The following KAZN variants were observed in gnomAD, a reference collection of about 807,000 sequenced individuals.
The protein encoded by KAZN is kazrin, periplakin interacting protein, also known as kazrin.
KAZN carries 40 observed loss-of-function variants against 87.4 expected under a neutral mutation model. That is an observed-to-expected ratio of 0.46 (90% CI 0.36 to 0.60). The LOEUF (loss-of-function observed/expected upper bound fraction) is 0.60, where lower values mean the gene tolerates loss of function less well. Among genes scored for constraint, KAZN ranks in the 20% least tolerant of loss-of-function variants. The probability of loss-of-function intolerance (pLI) is 0.00; values close to 1 mark genes in which losing one functional copy is unlikely to be tolerated. For synonymous variants in KAZN, 466 were observed against 458.3 expected, an observed-to-expected ratio of 1.02 and a Z score of -0.22; for missense variants, 898 against 1,073.9, an observed-to-expected ratio of 0.84 and a Z score of 2.29.
intron 2 of KAZN, among the ~76,000 whole-genome samples, chr1:14,286,548 CACTT>C (rs773490419): frequency 1.3e-5 from 2 of 152,226 alleles, no homozygotes; most frequent in African/African-American, 2.4e-5. Flanking sequence ...AGTACAGTCA[CACTT>C]AATAAATATT....
intron 1 of KAZN, among the ~76,000 whole-genome samples, chr1:14,913,260 A>G (rs537657699): frequency 1.9e-4 from 29 of 152,202 alleles, no homozygotes; most frequent in Non-Finnish European, 3.4e-4. Flanking sequence ...GTACCCCTCC[A>G]CTGGGCCCCT....
chr1:14,803,260 G>A (rs1374493171), intron 1 of KAZN, among the ~76,000 whole-genome samples: 2 of 152,202 alleles, frequency 1.3e-5, no homozygotes. Context: ...GTCATCCTCA[G>A]GTACCCAGGT....
chr1:15,028,728 T>G (rs1671408793), intron 2 of KAZN, among the ~76,000 whole-genome samples: 1 of 152,166 alleles, frequency 6.6e-6, no homozygotes, highest in Non-Finnish European at 1.5e-5. Flanking sequence ...AGATTCAGTT[T>G]TTGTGTTGTC....
intron 2 of KAZN, among the ~76,000 whole-genome samples, chr1:14,554,073 C>A (rs991389930): frequency 2.6e-5 from 4 of 152,162 alleles, no homozygotes; most frequent in African/African-American, 9.7e-5. Flanking sequence ...AGTCCCAGCA[C>A]TGGCCCTCCC....
intron 4 of KAZN, among the ~76,000 whole-genome samples, chr1:15,047,820 G>A (rs931482455): frequency 2.6e-5 from 4 of 152,088 alleles, no homozygotes; most frequent in African/African-American, 9.7e-5. Context: ...CAGGCCCGGG[G>A]GGATGGTGCA....
At chr1:14,080,953 A>G (rs545840766) in intron 1 of KAZN, among the ~76,000 whole-genome samples, 79 of 152,340 alleles carry the variant, frequency 5.2e-4, no homozygotes, top group African/African-American at 1.9e-3. Context: ...TCACCCTGGG[A>G]AAAGCTAATG....
At chr1:14,663,000 T>G (rs1408107703) in intron 1 of KAZN, among the ~76,000 whole-genome samples, 1 of 149,156 alleles carries the variant, frequency 6.7e-6, no homozygotes, top group Non-Finnish European at 1.5e-5. Context: ...AGGGGGGATC[T>G]CACTGTGTTG....
intron 2 of KAZN, among the ~76,000 whole-genome samples, chr1:14,346,744 T>C (rs1658136611): frequency 6.6e-6 from 1 of 152,160 alleles, no homozygotes; most frequent in Admixed American, 6.5e-5. Context: ...CCCTATTAGA[T>C]ATAATCATGC....
At chr1:15,083,765 A>G (rs1310680662) in intron 8 of KAZN, among the ~76,000 whole-genome samples, 1 of 152,056 alleles carries the variant, frequency 6.6e-6, no homozygotes, top group Admixed American at 6.6e-5. Context: ...GCCAGGAGCC[A>G]TTTCCCAGCC....
At position 13,984,043 on chromosome 1, in the gene KAZN, G is replaced by A. The variant is rs116043799; in HGVS notation, c.91+90287G>A. Among the ~76,000 whole-genome samples, 1,068 of 151,656 alleles carry A rather than the reference G, an allele frequency of 7.0e-3. 6 individuals carry two copies. The highest frequency in any genetic ancestry group is 0.024 in the Middle Eastern group (7 of 294). ...TATTTTTTTTTTGAGATGGAGTCTC[G>A]CTGTGTCCCCAGGCTGGAATGCAGT... On this transcript the variant is annotated intron_variant, in intron 1 of 16. Coordinates refer to the KAZN transcript ENST00000636203.
At chr1:14,202,127 T>A (rs820492) in intron 2 of KAZN, among the ~76,000 whole-genome samples, 6 of 152,200 alleles carry the variant, frequency 3.9e-5, no homozygotes, top group African/African-American at 9.7e-5. Flanking sequence ...TAGAGCAAGA[T>A]GGGGGTCAGT....
rs181054474 is a variant in KAZN, at chr1:14,669,799, C to T, written c.226+70576C>T. Among the ~76,000 whole-genome samples, 4 of 152,124 alleles carry T rather than the reference C, an allele frequency of 2.6e-5. No individual in the cohort carries two copies. The East Asian group carries it at 7.7e-4, about 29-fold the overall frequency. ...AATAAAACCGAGGCCCTGTGAACCT[C>T]GTCTCCAATATTAAAACCTCTCCCA... On this transcript the variant is annotated intron_variant, in intron 1 of 14. Transcript: ENST00000376030.
At chr1:14,394,493 TG>T (rs1662727059) in intron 2 of KAZN, among the ~76,000 whole-genome samples, 1 of 152,234 alleles carries the variant, frequency 6.6e-6, no homozygotes. Flanking sequence ...TGATGGTATT[TG>T]GTTGATACTT....
intron 1 of KAZN, among the ~76,000 whole-genome samples, chr1:14,642,433 A>G (rs1220612053): frequency 6.6e-6 from 1 of 152,162 alleles, no homozygotes; most frequent in African/African-American, 2.4e-5. Flanking sequence ...AACCATAGTG[A>G]GATACCAACA....
At chr1:14,584,407 C>A (rs1179624613) in intron 2 of KAZN, among the ~76,000 whole-genome samples, 1 of 152,180 alleles carries the variant, frequency 6.6e-6, no homozygotes, top group Non-Finnish European at 1.5e-5. Context: ...GGATGAGAAA[C>A]AAGGCCACTC....
intron 2 of KAZN, among the ~76,000 whole-genome samples, chr1:14,394,921 G>C (rs560931318): frequency 2.0e-5 from 3 of 152,182 alleles, no homozygotes; most frequent in African/African-American, 7.2e-5. Flanking sequence ...TGCAGACTCA[G>C]GAGCTTCTGT....
chr1:13,939,836 G>T (rs535629313), intron 1 of KAZN, among the ~76,000 whole-genome samples: 2 of 152,218 alleles, frequency 1.3e-5, no homozygotes, highest in South Asian at 4.1e-4. Flanking sequence ...GAAAAAGCTG[G>T]CACAAAACAT....
At chr1:14,638,102 C>G (rs1344670375) in intron 1 of KAZN, among the ~76,000 whole-genome samples, 1 of 152,194 alleles carries the variant, frequency 6.6e-6, no homozygotes, top group African/African-American at 2.4e-5. Flanking sequence ...CCTCTTCTCA[C>G]AGGGACACCA....
intron 1 of KAZN, among the ~76,000 whole-genome samples, chr1:14,090,606 T>C (rs1243310490): frequency 6.6e-6 from 1 of 152,218 alleles, no homozygotes; most frequent in Non-Finnish European, 1.5e-5. Context: ...CTGTTTATAC[T>C]GGAGCAACTA....
Sources: allele counts gnomAD v4.1 joint callset (sites outside exome capture counted in the v4.1 genomes callset), GRCh38; gene constraint gnomAD v4.1.1; transcripts MANE v1.5; gene names NCBI Gene and HGNC (gene_info 2026-07-23, HGNC 2026-07-21).